VRK1: variants seen among roughly 807,000 people sequenced by gnomAD.
The protein encoded by VRK1 is serine/threonine-protein kinase VRK1.
A neutral mutation model predicts 57.1 loss-of-function variants in VRK1; 33 were observed. The ratio of observed to expected loss-of-function variants is 0.58; its 90% CI spans 0.44 to 0.77. The LOEUF (loss-of-function observed/expected upper bound fraction) is 0.77. Among genes scored for constraint, VRK1 ranks in the 30% least tolerant of loss-of-function variants. The pLI is 0.00. For missense variants in VRK1, 413 were observed against 477.3 expected, an observed-to-expected ratio of 0.87 and a Z score of 1.25; for synonymous variants, 137 against 147.8, an observed-to-expected ratio of 0.93 and a Z score of 0.53.
At chr14:96,861,962 C>G (rs193094114) in intron 11 of VRK1, among the ~76,000 whole-genome samples, 5 of 152,246 alleles carry the variant, frequency 3.3e-5, no homozygotes, top group African/African-American at 1.2e-4. Flanking sequence ...ATAGATTTCT[C>G]TGCGTTAATA....
chr14:96,808,002 C>CCTCTCTCCGT (rs149250994), intron 1 of VRK1, among the ~76,000 whole-genome samples: 11 of 118,206 alleles, frequency 9.3e-5, no homozygotes, highest in Admixed American at 8.5e-5. Flanking sequence ...TCCCTCTCTC[C>CCTCTCTCCGT]CTCTCTCTCT....
At chr14:96,804,340 G>T (rs1438308005) in intron 1 of VRK1, among the ~76,000 whole-genome samples, 1 of 152,124 alleles carries the variant, frequency 6.6e-6, no homozygotes, top group Non-Finnish European at 1.5e-5. Flanking sequence ...TGTAAATTAG[G>T]TATCAAAACA....
intron 1 of VRK1, among the ~76,000 whole-genome samples, chr14:96,811,555 A>C (rs992805697): frequency 2.3e-4 from 35 of 152,168 alleles, no homozygotes; most frequent in Non-Finnish European, 3.8e-4. Context: ...TTACTGTATA[A>C]TATGTTTGTG....
chr14:96,822,834 T>G (rs932526140), intron 1 of VRK1, among the ~76,000 whole-genome samples: 4 of 152,198 alleles, frequency 2.6e-5, no homozygotes, highest in African/African-American at 7.2e-5. Context: ...GACAGTAGCC[T>G]TCAAGGCCCT....
In VRK1 at chr14:96,841,326, C is replaced by A. The variant is rs997189585; in HGVS notation, c.216+3509C>A. On this transcript the variant is annotated intron_variant, in intron 3 of 12. Transcript: ENST00000216639. The stretch of plus-strand genomic sequence containing the variant: ...CTTATATAGTTAAGAAAAAACATGG[C>A]CAGGAACAGTATTTTCTATATGCTT... 3.3e-5 allele frequency among the ~76,000 whole-genome samples: 5 copies of A among 152,010 alleles called. No individual in the cohort carries two copies. The South Asian group carries it at 1.0e-3, about 32-fold the overall frequency.
At chr14:96,822,571 A>G (rs191211120) in intron 1 of VRK1, among the ~76,000 whole-genome samples, 139 of 152,322 alleles carry the variant, frequency 9.1e-4, no homozygotes, top group Non-Finnish European at 1.5e-3. Flanking sequence ...AGCACTTAAC[A>G]TTTTGGATTT....
At chr14:96,832,403 T>A (rs1887041770) in intron 1 of VRK1, among the ~76,000 whole-genome samples, 1 of 152,204 alleles carries the variant, frequency 6.6e-6, no homozygotes, top group Non-Finnish European at 1.5e-5. Context: ...AATACTTATT[T>A]TAAATCTTTT....
rs1439470290 is a variant in VRK1 at position 96,866,104 on chromosome 14, A to G, written c.1068+5369A>G. Among the ~76,000 whole-genome samples the G allele has an allele frequency of 3.3e-5, 5 of 151,828 alleles. No homozygotes were observed. In the East Asian group the frequency reaches 7.8e-4, roughly 24 times the overall value. ...TCAGTTTCTTTTCTTGTCTCCTGGT[A>G]TTCTTTGTTCGTGTGCTTATTCTAT... On this transcript the variant is annotated intron_variant, in intron 11 of 12. Coordinates refer to ENST00000216639, the MANE Select transcript of VRK1 (RefSeq NM_003384.3).
At chr14:96,844,629 C>T (rs2139775763) in intron 3 of VRK1, among the ~76,000 whole-genome samples, 1 of 152,288 alleles carries the variant, frequency 6.6e-6, no homozygotes, top group East Asian at 1.9e-4. Flanking sequence ...GCAGCCTCCG[C>T]CTCCTGGGTT....
At chr14:96,833,411 T>C in intron 1 of VRK1, 56 bp from the exon 2 acceptor site, 1 of 1,603,998 alleles carries the variant, frequency 6.2e-7, no homozygotes, top group East Asian at 2.2e-5. Flanking sequence ...TAGGGAAAAA[T>C]GTTTTAAACA....
At chr14:96,829,080 A>G (rs1415427759) in intron 1 of VRK1, among the ~76,000 whole-genome samples, 1 of 152,236 alleles carries the variant, frequency 6.6e-6, no homozygotes, top group Non-Finnish European at 1.5e-5. Flanking sequence ...TCTGTTTAAT[A>G]TACAACATAT....
Position 96,845,946 on chromosome 14 carries a change from G to A in VRK1, c.217-149G>A. The A allele has an allele frequency of 4.2e-6, 3 of 707,228 alleles. No individual in the cohort carries two copies. The South Asian group carries it at 5.3e-5, about 13-fold the overall frequency. The allele number at this position is 707,228 out of a possible 1,614,324, so 43.8% of individuals were successfully genotyped here. ...ATATTTCTCTGAACATTTCTAAGGAGTTTGACTTAATCTTAACACAGTTAT... is the reference window on the plus strand; with the variant it reads ...ATATTTCTCTGAACATTTCTAAGGAATTTGACTTAATCTTAACACAGTTAT... On this transcript the variant is annotated intron_variant, in intron 3 of 12. Transcript: ENST00000216639.
chr14:96,836,462 A>G (rs1887216086), intron 2 of VRK1, among the ~76,000 whole-genome samples: 1 of 148,422 alleles, frequency 6.7e-6, no homozygotes, highest in Admixed American at 6.7e-5. Context: ...TGTTTCCCCC[A>G]GCTACTTTTG....
chr14:96,829,716 C>G (rs1010786785), intron 1 of VRK1, among the ~76,000 whole-genome samples: 4 of 152,066 alleles, frequency 2.6e-5, no homozygotes, highest in Non-Finnish European at 4.4e-5. Context: ...GGAAAGTTGC[C>G]TTTTTTGCGT....
intron 2 of VRK1, among the ~76,000 whole-genome samples, chr14:96,834,743 A>C (rs1282585396): frequency 1.3e-5 from 2 of 152,200 alleles, no homozygotes; most frequent in Non-Finnish European, 2.9e-5. Context: ...GGTTTTGTTT[A>C]GAGCCAAACC....
At chr14:96,817,266 T>C (rs1018891856) in intron 1 of VRK1, among the ~76,000 whole-genome samples, 9 of 152,286 alleles carry the variant, frequency 5.9e-5, no homozygotes, top group Middle Eastern at 3.4e-3. Flanking sequence ...TCTGTTGGGC[T>C]TTAGTCTTAT....
intron 10 of VRK1, among the ~76,000 whole-genome samples, chr14:96,858,599 A>G (rs1268920854): frequency 6.6e-6 from 1 of 152,114 alleles, no homozygotes; most frequent in Non-Finnish European, 1.5e-5. Flanking sequence ...TATCTTTCCT[A>G]TCCCCATATT....
chr14:96,876,131 C>T lies in VRK1; in HGVS notation c.1159+11C>T, dbSNP rs568386038. The T allele has an allele frequency of 1.4e-5, 23 of 1,613,048 alleles. No individual in the cohort carries two copies. Among genetic ancestry groups the T allele is most frequent in the East Asian group, 2.2e-5 (1 of 44,858 alleles). ...AGGCCATACAGACCCGTAAGTTGAACAGTTTTGCCTAGCTGCTTTCATAGG... is the reference window on the plus strand; with the variant it reads ...AGGCCATACAGACCCGTAAGTTGAATAGTTTTGCCTAGCTGCTTTCATAGG... On this transcript the variant is annotated intron_variant, in intron 12 of 12. Transcript: ENST00000216639.
At position 96,877,862 on chromosome 14, in the gene VRK1, T is replaced by C. The variant is rs566401172; in HGVS notation, c.1159+1742T>C. Among the ~76,000 whole-genome samples, 3 of 152,344 alleles carry C rather than the reference T, an allele frequency of 2.0e-5. No homozygotes were observed. The East Asian group carries it at 5.8e-4, about 29-fold the overall frequency. On this transcript the variant is annotated intron_variant, in intron 12 of 12. Transcript: ENST00000216639. ...TAAATTCTAGTATAATTATGAATTTTTTTTTAACCTAAGTTTTTAGTTTAA... is the reference window on the plus strand; with the variant it reads ...TAAATTCTAGTATAATTATGAATTTCTTTTTAACCTAAGTTTTTAGTTTAA...
Sources: allele counts gnomAD v4.1 joint callset (sites outside exome capture counted in the v4.1 genomes callset), GRCh38; gene constraint gnomAD v4.1.1; transcripts MANE v1.5; gene names NCBI Gene and HGNC (gene_info 2026-07-23, HGNC 2026-07-21).